ZNF385D: variants seen among roughly 807,000 people sequenced by gnomAD.
ZNF385D encodes the protein zinc finger protein 385D.
ZNF385D carries 15 observed loss-of-function variants against 35.8 expected under a neutral mutation model. The observed-to-expected ratio is 0.42, with a 90% CI of 0.28 to 0.64. The LOEUF (loss-of-function observed/expected upper bound fraction) is 0.64. Ranked by LOEUF, ZNF385D falls within the 30% of genes least tolerant of loss-of-function variation. The pLI is 0.23. For synonymous variants in ZNF385D, 212 were observed against 186.8 expected, an observed-to-expected ratio of 1.13 and a Z score of -1.10; for missense variants, 474 against 494.6, an observed-to-expected ratio of 0.96 and a Z score of 0.39.
chr3:22,128,163 A>C (rs1412202538), intron 3 of ZNF385D, among the ~76,000 whole-genome samples: 2 of 152,174 alleles, frequency 1.3e-5, no homozygotes, highest in African/African-American at 4.8e-5. Context: ...TACTATTCTA[A>C]GTTAAAAGTT....
intron 2 of ZNF385D, among the ~76,000 whole-genome samples, chr3:21,596,868 T>G (rs891191637): frequency 6.6e-6 from 1 of 152,114 alleles, no homozygotes; most frequent in Non-Finnish European, 1.5e-5. Flanking sequence ...TAAGAAATAC[T>G]GTCAAAGTTA....
intron 2 of ZNF385D, among the ~76,000 whole-genome samples, chr3:21,664,659 CT>C (rs1332347430): frequency 6.6e-6 from 1 of 152,130 alleles, no homozygotes; most frequent in Non-Finnish European, 1.5e-5. Flanking sequence ...GATACATCAA[CT>C]CATGATCAAC....
Position 21,436,928 on chromosome 3 carries a change from T to C in ZNF385D, c.673+42A>G, listed in dbSNP as rs1336657826. 1.1e-5 allele frequency: 18 copies of C among 1,576,662 alleles called. No individual in the cohort carries two copies. The East Asian group carries it at 3.6e-4, about 31-fold the overall frequency. ...ATCTAATCTATTCAGAGGAAGATAA[T>C]TGCAGAGCTGTTGAAACAAAAAAGA... On this transcript the variant is annotated intron_variant, in intron 5 of 7. Coordinates refer to ENST00000281523, the MANE Select transcript of ZNF385D (RefSeq NM_024697.3).
At chr3:22,303,555 T>A (rs1449328832) in intron 2 of ZNF385D, among the ~76,000 whole-genome samples, 2 of 152,282 alleles carry the variant, frequency 1.3e-5, no homozygotes, top group South Asian at 4.1e-4. Context: ...GTTTAAAACA[T>A]ATTCTATACT....
At chr3:22,002,955 A>G (rs1485104568) in intron 3 of ZNF385D, among the ~76,000 whole-genome samples, 1 of 152,180 alleles carries the variant, frequency 6.6e-6, no homozygotes, top group African/African-American at 2.4e-5. Context: ...ATGACTAACT[A>G]ACAGCTAATA....
At chr3:21,765,504 A>G (rs1237080320) in intron 3 of ZNF385D, among the ~76,000 whole-genome samples, 1 of 152,102 alleles carries the variant, frequency 6.6e-6, no homozygotes, top group African/African-American at 2.4e-5. Context: ...AGATGAACTG[A>G]GACAATCATG....
At chr3:21,478,398 G>A (rs1004088262) in intron 4 of ZNF385D, among the ~76,000 whole-genome samples, 1 of 152,086 alleles carries the variant, frequency 6.6e-6, no homozygotes, top group Non-Finnish European at 1.5e-5. Flanking sequence ...GGATAAAAGA[G>A]TTGAAGTAAC....
At chr3:22,257,850 T>A (rs544115479) in intron 2 of ZNF385D, among the ~76,000 whole-genome samples, 1 of 151,954 alleles carries the variant, frequency 6.6e-6, no homozygotes, top group South Asian at 2.1e-4. Context: ...TCTTCATAGA[T>A]CACACAATTT....
intron 4 of ZNF385D, among the ~76,000 whole-genome samples, chr3:21,463,685 C>T (rs1703327393): frequency 1.3e-5 from 2 of 152,234 alleles, no homozygotes; most frequent in Admixed American, 6.5e-5. Flanking sequence ...AAGATACACT[C>T]TTTCCAGGTG....
intron 3 of ZNF385D, among the ~76,000 whole-genome samples, chr3:21,892,578 G>A (rs1432430083): frequency 6.6e-6 from 1 of 152,066 alleles, no homozygotes; most frequent in Non-Finnish European, 1.5e-5. Flanking sequence ...GAAATATCAG[G>A]ATTAAGACTT....
At chr3:21,684,352 G>T in intron 1 of ZNF385D, among the ~76,000 whole-genome samples, 1 of 106,650 alleles carries the variant, frequency 9.4e-6, no homozygotes, top group African/African-American at 3.8e-5. Flanking sequence ...AGCCATAAAT[G>T]GTTAACTGTT....
chr3:21,879,007 A>C (rs1168039609), intron 3 of ZNF385D, among the ~76,000 whole-genome samples: 1 of 152,044 alleles, frequency 6.6e-6, no homozygotes, highest in African/African-American at 2.4e-5. Flanking sequence ...TGCCAACAGT[A>C]GTTCTCTTGT....
chr3:21,963,786 C>A (rs1457266504), intron 3 of ZNF385D, among the ~76,000 whole-genome samples: 1 of 151,860 alleles, frequency 6.6e-6, no homozygotes, highest in Non-Finnish European at 1.5e-5. Flanking sequence ...TATGTATGCC[C>A]AGAATTCTAG....
At chr3:22,229,529 GGGT>G (rs545132246) in intron 2 of ZNF385D, among the ~76,000 whole-genome samples, 179 of 152,250 alleles carry the variant, frequency 1.2e-3, no homozygotes, top group African/African-American at 4.0e-3. Context: ...TTATGATTGT[GGGT>G]TATAGCCCCT....
intron 3 of ZNF385D, among the ~76,000 whole-genome samples, chr3:21,790,473 A>T (rs1002785062): frequency 1.3e-5 from 2 of 152,196 alleles, no homozygotes; most frequent in African/African-American, 2.4e-5. Flanking sequence ...TGAAGTTTAA[A>T]TATTTTCTAT....
chr3:21,848,589 A>G (rs925917548), intron 3 of ZNF385D, among the ~76,000 whole-genome samples: 4 of 152,038 alleles, frequency 2.6e-5, no homozygotes, highest in African/African-American at 9.7e-5. Flanking sequence ...AAAGAATCAA[A>G]AGAGACTAAT....
Position 21,746,230 on chromosome 3 carries a change from A to G in ZNF385D, c.22+4665T>C, listed in dbSNP as rs531363891. On this transcript the variant is annotated intron_variant, in intron 1 of 7. Coordinates refer to ENST00000281523, the MANE Select transcript of ZNF385D (RefSeq NM_024697.3). ...CGAAAGCGTAACTTTGCAAGTCATCATTAGCTCATGAATTTTGGAACTTAT... is the reference window on the plus strand; with the variant it reads ...CGAAAGCGTAACTTTGCAAGTCATCGTTAGCTCATGAATTTTGGAACTTAT... Among the ~76,000 whole-genome samples, 2 of 152,366 alleles carry G rather than the reference A, an allele frequency of 1.3e-5. 1 individual carries two copies. The highest frequency in any genetic ancestry group is 4.8e-5 in the African/African-American group (2 of 41,598).
At chr3:22,348,979 A>C (rs1344253961) in intron 2 of ZNF385D, among the ~76,000 whole-genome samples, 1 of 152,234 alleles carries the variant, frequency 6.6e-6, no homozygotes, top group Non-Finnish European at 1.5e-5. Context: ...ATCTGAGAGC[A>C]AATGACTCCA....
chr3:22,006,989 G>A (rs903088920), intron 3 of ZNF385D, among the ~76,000 whole-genome samples: 3 of 151,982 alleles, frequency 2.0e-5, no homozygotes, highest in Non-Finnish European at 4.4e-5. Flanking sequence ...ACCTAGGGAA[G>A]GTATGAAACT....
Sources: allele counts gnomAD v4.1 joint callset (sites outside exome capture counted in the v4.1 genomes callset), GRCh38; gene constraint gnomAD v4.1.1; transcripts MANE v1.5; gene names NCBI Gene and HGNC (gene_info 2026-07-23, HGNC 2026-07-21).